Variants in FERMT2 observed in about 807,000 individuals in gnomAD.
FERMT2 encodes FERM domain containing kindlin 2.
A neutral mutation model predicts 82.7 loss-of-function variants in FERMT2; 15 were observed. The observed-to-expected ratio is 0.18, with a 90% CI of 0.12 to 0.28. FERMT2 has a LOEUF of 0.28. FERMT2 is among the 10% of genes least tolerant of loss of function. The pLI is 1.00. For synonymous variants in FERMT2, 274 were observed against 271.5 expected (o/e 1.01, Z -0.09); for missense variants, 645 against 809.4 (o/e 0.80, Z 2.46).
intron 4 of FERMT2, among the ~76,000 whole-genome samples, chr14:52,884,048 T>C (rs112497353): frequency 6.6e-6 from 1 of 152,208 alleles, no homozygotes; most frequent in African/African-American, 2.4e-5. Context: ...AATTCAAGAA[T>C]GAACAAATAC....
chr14:52,875,981 T>C (rs375717474), intron 7 of FERMT2, among the ~76,000 whole-genome samples: 2 of 152,290 alleles, frequency 1.3e-5, no homozygotes, highest in South Asian at 4.1e-4. Context: ...TACTCATATG[T>C]AGACAGGAAA....
chr14:52,910,281 CA>C (rs1888243784), intron 3 of FERMT2, among the ~76,000 whole-genome samples: 1 of 151,960 alleles, frequency 6.6e-6, no homozygotes, highest in Non-Finnish European at 1.5e-5. Flanking sequence ...AAGGCTAGAA[CA>C]GAAAGAGAAA....
At chr14:52,901,596 GA>G (rs1887656125) in intron 3 of FERMT2, among the ~76,000 whole-genome samples, 1 of 152,216 alleles carries the variant, frequency 6.6e-6, no homozygotes, top group African/African-American at 2.4e-5. Flanking sequence ...AATTCAGACA[GA>G]AGACCTTGAC....
rs1181582996 is a variant in FERMT2 at position 52,885,312 on chromosome 14, C to CAAAAAAA, written c.527-3850_527-3844dup. Reference sequence around the variant, plus strand: ...TGGGTAACAGGGCGAGACTTAGTCTCAAAAAAAAAAAAAAAAAAAAAAAAA... The same window carrying CAAAAAAA: ...TGGGTAACAGGGCGAGACTTAGTCTCAAAAAAAAAAAAAAAAAAAAAAAAAAAAAAAA... On this transcript the variant is annotated intron_variant, in intron 4 of 14. Coordinates refer to ENST00000341590, the MANE Select transcript of FERMT2 (RefSeq NM_006832.3). Among the ~76,000 whole-genome samples the CAAAAAAA allele has an allele frequency of 3.8e-4, 23 of 61,052 alleles. 3 individuals carry two copies. Among genetic ancestry groups the CAAAAAAA allele is most frequent in the South Asian group, 9.0e-4 (1 of 1,106 alleles). The allele number at this position is 61,052 out of a possible 152,430, so 40.1% of individuals were successfully genotyped here. A position where few individuals can be genotyped will look rare whatever the true frequency, so the allele number is the denominator to read the frequency against.
At chr14:52,942,861 G>A (rs545068300) in intron 2 of FERMT2, among the ~76,000 whole-genome samples, 1 of 152,244 alleles carries the variant, frequency 6.6e-6, no homozygotes, top group African/African-American at 2.4e-5. Flanking sequence ...TTATTTAATA[G>A]TAAGCTAAGA....
At chr14:52,906,110 A>G (rs1194653029) in intron 3 of FERMT2, among the ~76,000 whole-genome samples, 6 of 152,172 alleles carry the variant, frequency 3.9e-5, no homozygotes, top group Admixed American at 1.3e-4. Flanking sequence ...GGAGGGGCGC[A>G]TGGGGCCTGG....
chr14:52,881,174 A>T, intron 5 of FERMT2, 36 bp from the exon 6 acceptor site: 1 of 1,593,740 alleles, frequency 6.3e-7, no homozygotes, highest in African/African-American at 1.3e-5. Context: ...AAAACAACAC[A>T]GAATGAAGAC....
intron 1 of FERMT2, 62 bp from the exon 2 acceptor site, chr14:52,950,639 C>T: frequency 1.3e-6 from 2 of 1,534,482 alleles, no homozygotes; most frequent in Non-Finnish European, 8.9e-7. Context: ...GCGAATCCCA[C>T]CGAATTCGCA....
intron 2 of FERMT2, among the ~76,000 whole-genome samples, chr14:52,919,579 G>C (rs1025379353): frequency 6.6e-6 from 1 of 152,198 alleles, no homozygotes; most frequent in Non-Finnish European, 1.5e-5. Context: ...GGGCAACTAA[G>C]AATGTTTGAG....
intron 2 of FERMT2, among the ~76,000 whole-genome samples, chr14:52,933,905 C>G (rs1347137677): frequency 6.6e-6 from 1 of 151,982 alleles, no homozygotes; most frequent in Non-Finnish European, 1.5e-5. Flanking sequence ...GCTGGTGTTT[C>G]AGATCTCCTT....
rs978980949 is a variant in FERMT2 at position 52,858,338 on chromosome 14, T to C, written c.*39A>G. On this transcript the variant is annotated 3_prime_UTR_variant, in exon 15 of 15. Transcript: ENST00000341590. ...AACAAACAGCTTTTAAAGTTAAATATTGTTATGGCCGTGGAGTTTCATTAA... is the reference window on the plus strand; with the variant it reads ...AACAAACAGCTTTTAAAGTTAAATACTGTTATGGCCGTGGAGTTTCATTAA... 2 of 1,547,878 alleles carry C rather than the reference T, an allele frequency of 1.3e-6. No individual in the cohort carries two copies. Among genetic ancestry groups the C allele is most frequent in the Non-Finnish European group, 1.8e-6 (2 of 1,122,870 alleles).
chr14:52,890,041 A>G (rs556951181), intron 4 of FERMT2, among the ~76,000 whole-genome samples: 1 of 151,180 alleles, frequency 6.6e-6, no homozygotes, highest in Admixed American at 6.6e-5. Flanking sequence ...AGGCAGGAGA[A>G]TTGCCTGTAT....
chr14:52,945,108 C>T (rs139795368), intron 2 of FERMT2, among the ~76,000 whole-genome samples: 1 of 152,078 alleles, frequency 6.6e-6, no homozygotes, highest in Non-Finnish European at 1.5e-5. Flanking sequence ...GGGATTTCAC[C>T]ATGTTGCCCG....
intron 2 of FERMT2, among the ~76,000 whole-genome samples, chr14:52,920,837 AGGTGGCTGAGGTGGGAAG>A (rs1302737598): frequency 6.6e-6 from 1 of 152,110 alleles, no homozygotes; most frequent in Non-Finnish European, 1.5e-5. Context: ...CCTGCTACTC[AGGTGGCTGAGGTGGGAAG>A]ATGGACTGAA....
intron 3 of FERMT2, among the ~76,000 whole-genome samples, chr14:52,911,901 G>GT (rs1013286530): frequency 7.2e-5 from 11 of 152,066 alleles, no homozygotes; most frequent in African/African-American, 2.4e-4. Flanking sequence ...CCTCAATTGT[G>GT]TAACTGTTTG....
At chr14:52,905,706 G>A (rs1022132905) in intron 3 of FERMT2, among the ~76,000 whole-genome samples, 1 of 152,204 alleles carries the variant, frequency 6.6e-6, no homozygotes, top group Non-Finnish European at 1.5e-5. Context: ...GGATGGAAGA[G>A]CCTTTTACTA....
intron 2 of FERMT2, among the ~76,000 whole-genome samples, chr14:52,926,416 ACAC>A (rs2139660574): frequency 1.5e-4 from 1 of 6,854 alleles, no homozygotes; most frequent in African/African-American, 2.6e-4. Flanking sequence ...AGTGCAACAC[ACAC>A]ACACACACAC....
At chr14:52,936,562 G>A (rs530881291) in intron 2 of FERMT2, among the ~76,000 whole-genome samples, 1 of 152,206 alleles carries the variant, frequency 6.6e-6, no homozygotes, top group East Asian at 1.9e-4. Flanking sequence ...CCCTAGGATT[G>A]CTCCCCCATC....
intron 3 of FERMT2, among the ~76,000 whole-genome samples, chr14:52,901,065 C>G (rs1887596749): frequency 7.2e-6 from 1 of 138,402 alleles, no homozygotes; most frequent in Non-Finnish European, 1.5e-5. Flanking sequence ...TGGAGACCAT[C>G]CTGACTAACG....
Sources: gnomAD v4.1 joint callset for allele counts (sites outside exome capture counted in the v4.1 genomes callset) on GRCh38, gnomAD v4.1.1 for gene constraint, MANE v1.5 for transcripts, NCBI Gene and HGNC (gene_info 2026-07-23, HGNC 2026-07-21) for gene names.